Variants in B4GALNT3 observed in about 807,000 individuals in gnomAD.
B4GALNT3 encodes beta-1,4-N-acetyl-galactosaminyltransferase 3.
A neutral mutation model predicts 120.2 loss-of-function variants in B4GALNT3; 86 were observed. The observed-to-expected ratio is 0.72, with a 90% CI of 0.60 to 0.86. The LOEUF is 0.86. Among genes scored for constraint, B4GALNT3 ranks in the 40% least tolerant of loss-of-function variants. The pLI is 0.00. For synonymous variants in B4GALNT3, 518 were observed against 510.4 expected (o/e 1.01, Z -0.20); for missense variants, 1,167 against 1,298.9 (o/e 0.90, Z 1.56).
chr12:489,311 A>G (rs1244834382), intron 1 of B4GALNT3, among the ~76,000 whole-genome samples: 6 of 150,290 alleles, frequency 4.0e-5, no homozygotes, highest in African/African-American at 1.2e-4. Context: ...TGTTCTGCAC[A>G]TGTATCCCAG....
Position 557,631 on chromosome 12 carries a change from C to G in B4GALNT3, c.2404C>G (p.Gln802Glu), listed in dbSNP as rs757916516. Reference protein sequence around the residue: ...VPVKNQARWVQQFIKDMENLF... With the variant: ...VPVKNQARWVEQFIKDMENLF... Reference sequence around the variant, plus strand: ...AGTGAAGAACCAGGCACGCTGGGTACAGCAATTCATCAAAGACATGGAAAA... The same window carrying G: ...AGTGAAGAACCAGGCACGCTGGGTAGAGCAATTCATCAAAGACATGGAAAA... Residue 802 changes from glutamine to glutamate, a missense_variant, in exon 16 of 20, where the codon CAG becomes GAG. Transcript: ENST00000266383. The G allele has an allele frequency of 1.5e-5, 24 of 1,611,490 alleles. No individual in the cohort carries two copies. The East Asian group carries it at 5.4e-4, about 36-fold the overall frequency.
At chr12:479,570 C>G (rs983717373) in intron 1 of B4GALNT3, among the ~76,000 whole-genome samples, 2 of 152,070 alleles carry the variant, frequency 1.3e-5, no homozygotes, top group African/African-American at 4.8e-5. Context: ...TAAGGACTCT[C>G]GATAAGGGGG....
At chr12:475,556 C>G (rs984361742) in intron 1 of B4GALNT3, among the ~76,000 whole-genome samples, 1 of 152,074 alleles carries the variant, frequency 6.6e-6, no homozygotes, top group Non-Finnish European at 1.5e-5. Flanking sequence ...TGGGCTCTGC[C>G]GCGCCTCCTC....
chr12:514,646 G>A (rs544803846), intron 1 of B4GALNT3, among the ~76,000 whole-genome samples: 1 of 152,278 alleles, frequency 6.6e-6, no homozygotes, highest in African/African-American at 2.4e-5. Context: ...TCTGATCACT[G>A]GTTGTGGTGA....
rs76551836 is a variant in B4GALNT3 at position 474,289 on chromosome 12, G to C, written c.169+13744G>C. ...CAAACCCAGATCCCAAAACCAGTATGGGGGGATGGGGGATGTCCTATTGAA... is the reference window on the plus strand; with the variant it reads ...CAAACCCAGATCCCAAAACCAGTATCGGGGGATGGGGGATGTCCTATTGAA... On this transcript the variant is annotated intron_variant, in intron 1 of 19. Coordinates refer to ENST00000266383, the MANE Select transcript of B4GALNT3 (RefSeq NM_173593.4). Among the ~76,000 whole-genome samples the C allele has an allele frequency of 2.9e-4, 44 of 152,290 alleles. No individual in the cohort carries two copies. The East Asian group carries it at 8.5e-3, about 29-fold the overall frequency.
intron 1 of B4GALNT3, among the ~76,000 whole-genome samples, chr12:489,241 A>G (rs1259924614): frequency 6.6e-6 from 1 of 151,004 alleles, no homozygotes; most frequent in Non-Finnish European, 1.5e-5. Context: ...AATCTAGATG[A>G]TGGGTTGATA....
At chr12:512,101 C>T (rs1485847298) in intron 1 of B4GALNT3, among the ~76,000 whole-genome samples, 2 of 138,592 alleles carry the variant, frequency 1.4e-5, no homozygotes, top group African/African-American at 5.8e-5. Flanking sequence ...CACCTTCCAC[C>T]TTCCACCTTC....
chr12:541,832 C>T (rs1946919259), intron 3 of B4GALNT3, among the ~76,000 whole-genome samples: 1 of 90,366 alleles, frequency 1.1e-5, no homozygotes, highest in South Asian at 6.8e-4. Context: ...CTGCCCAGTC[C>T]CCCCCCTCAC....
chr12:559,160 TA>T, intron 18 of B4GALNT3, 134 bp from the exon 19 acceptor site: 2 of 1,206,022 alleles, frequency 1.7e-6, no homozygotes, highest in African/African-American at 1.5e-5. Flanking sequence ...CTTGTTCAGC[TA>T]AGACAGTTTT....
intron 5 of B4GALNT3, 55 bp downstream of exon 5, chr12:545,027 A>T (rs982235814): frequency 6.3e-7 from 1 of 1,590,680 alleles, no homozygotes; most frequent in African/African-American, 1.4e-5. Flanking sequence ...TCTGCATCGG[A>T]CCCAAAGAAC....
chr12:556,548 A>C lies in B4GALNT3; in HGVS notation c.2062A>C (p.Arg688=). The C allele has an allele frequency of 1.9e-6, 3 of 1,609,524 alleles. No individual in the cohort carries two copies. The highest frequency in any genetic ancestry group is 2.6e-6 in the Non-Finnish European group (3 of 1,176,346). The change falls in exon 15 of 20, where the codon AGG becomes CGG. Residue 688 remains arginine (R), a splice_region_variant and synonymous_variant. Coordinates refer to ENST00000266383, the MANE Select transcript of B4GALNT3 (RefSeq NM_173593.4). ...LKKLNQRSRG[R]YQLQRIVNVE... is the part of the protein sequence containing the mutation. ...GCCTCCCCACACTTTCTGCCATAGG[A>C]GGTACCAGCTACAGCGCATTGTGAA... is the stretch of plus-strand genomic sequence containing the variant.
rs751237309 is a variant in B4GALNT3 at position 553,952 on chromosome 12, T to C, written c.2029T>C (p.Phe677Leu). 3 of 1,613,686 alleles carry C rather than the reference T, an allele frequency of 1.9e-6. No homozygotes were observed. The South Asian group carries it at 3.3e-5, about 18-fold the overall frequency. ...GGAAGCTCTGGAGGTCACGCGAGTC[T>C]TCTTGAAGAAGCTCAACCAGAGGAG... ...EQEALEVTRV[F>L]LKKLNQRSRG... Residue 677 changes from phenylalanine (F) to leucine (L), a missense_variant, in exon 14 of 20, where the codon TTC (phenylalanine) becomes CTC (leucine). By Grantham distance (22) the Phe-to-Leu change is conservative (BLOSUM62 0). Around this residue, in one of 3 missense-constraint regions of B4GALNT3, gnomAD observed 983 missense variants for 1,102.5 expected, o/e 0.89. Coordinates refer to ENST00000266383, the MANE Select transcript of B4GALNT3 (RefSeq NM_173593.4).
intron 1 of B4GALNT3, among the ~76,000 whole-genome samples, chr12:511,428 CCTT>C (rs751496059): frequency 0.027 from 2,653 of 98,662 alleles, 215 homozygotes; most frequent in East Asian, 0.098. Context: ...CCACCTTCCA[CCTT>C]CTTCCACCTT....
At chr12:497,869 A>G (rs956088258) in intron 1 of B4GALNT3, among the ~76,000 whole-genome samples, 13 of 152,210 alleles carry the variant, frequency 8.5e-5, no homozygotes, top group Admixed American at 8.5e-4. Context: ...CAGCCACTCT[A>G]GAAAGTGTTT....
At chr12:558,462 G>A in intron 17 of B4GALNT3, 46 bp from the exon 18 acceptor site, 1 of 1,591,636 alleles carries the variant, frequency 6.3e-7, no homozygotes, top group Non-Finnish European at 8.6e-7. Flanking sequence ...TGACCTCCTA[G>A]CTCTGGTCTG....
rs386375353 is a variant in B4GALNT3 at position 474,947 on chromosome 12, C to CAAAAAAAAAAA, written c.169+14412_169+14422dup. 1.8e-3 allele frequency among the ~76,000 whole-genome samples: 111 copies of CAAAAAAAAAAA among 60,598 alleles called. 6 individuals are homozygous for CAAAAAAAAAAA. In the South Asian group the frequency reaches 0.023, roughly 13 times the overall value. 39.8% of individuals were successfully genotyped at this position (60,598 alleles called of 152,430 possible). On this transcript the variant is annotated intron_variant, in intron 1 of 19. Coordinates refer to ENST00000266383, the MANE Select transcript of B4GALNT3 (RefSeq NM_173593.4). ...TGGGTGACAGAGGGAGACCTTGTCTCAAAAAAAAAAAAAAAAAAAAGCCAA... is the reference window on the plus strand; with the variant it reads ...TGGGTGACAGAGGGAGACCTTGTCTCAAAAAAAAAAAAAAAAAAAAAAAAAAAAAAAGCCAA...
chr12:484,294 A>G (rs561758431), intron 1 of B4GALNT3, among the ~76,000 whole-genome samples: 1 of 152,274 alleles, frequency 6.6e-6, no homozygotes, highest in East Asian at 1.9e-4. Context: ...GCTGAGATGT[A>G]AGAGATACGA....
At chr12:546,759 G>T in intron 7 of B4GALNT3, 46 bp downstream of exon 7, 6 of 1,523,630 alleles carry the variant, frequency 3.9e-6, no homozygotes, top group Non-Finnish European at 5.3e-6. Flanking sequence ...CGGTGCCTCG[G>T]TGGAGCCCGG....
intron 1 of B4GALNT3, among the ~76,000 whole-genome samples, chr12:492,662 T>C (rs1359345323): frequency 3.3e-5 from 5 of 152,146 alleles, no homozygotes; most frequent in African/African-American, 1.2e-4. Flanking sequence ...GTCAAGTCAG[T>C]GTTGGAGGCA....
Sources: gnomAD v4.1 joint callset for allele counts (sites outside exome capture counted in the v4.1 genomes callset) on GRCh38, gnomAD v4.1.1 for gene constraint, gnomAD v4.1.1 regional missense constraint, MANE v1.5 for transcripts, NCBI Gene and HGNC (gene_info 2026-07-23, HGNC 2026-07-21) for gene names.